Variants in AREL1 observed in about 807,000 individuals in gnomAD.
AREL1 encodes apoptosis resistant E3 ubiquitin protein ligase 1, also known as apoptosis-resistant E3 ubiquitin protein ligase 1.
AREL1 carries 62 observed loss-of-function variants against 99.0 expected under a neutral mutation model. That is an observed-to-expected ratio of 0.63 (90% CI 0.51 to 0.77). AREL1 has a LOEUF of 0.77. AREL1 is among the 30% of genes least tolerant of loss of function. AREL1 has a pLI of 0.00. For synonymous variants in AREL1, 380 were observed against 376.5 expected, an observed-to-expected ratio of 1.01 and a Z score of -0.11; for missense variants, 879 against 1,027.6, an observed-to-expected ratio of 0.86 and a Z score of 1.98.
Position 74,667,476 on chromosome 14 carries a change from T to C in AREL1, c.2033A>G (p.His678Arg), listed in dbSNP as rs538186826. ...AGACAGGATCCCACCTTTTAGGAAATGTTCCACCTCCTCTTTCACTTGACT... is the reference window on the plus strand; with the variant it reads ...AGACAGGATCCCACCTTTTAGGAAACGTTCCACCTCCTCTTTCACTTGACT... ...LASQVKEEVE[H>R]FLKGLNELVP... The change falls in exon 16 of 20, where the codon CAT (histidine) becomes CGT (arginine). Residue 678 changes from histidine (H) to arginine (R), a missense_variant. By Grantham distance (29) the His-to-Arg change is conservative. Coordinates refer to ENST00000356357, the MANE Select transcript of AREL1 (RefSeq NM_001039479.2). 7.4e-6 allele frequency: 12 copies of C among 1,613,522 alleles called. No homozygotes were observed. The highest frequency in any genetic ancestry group is 9.3e-6 in the Non-Finnish European group (11 of 1,179,560).
At position 74,673,230 on chromosome 14, in the gene AREL1, A is replaced by T; in HGVS notation, c.1159-12T>A. 6.2e-7 allele frequency: 1 copy of T among 1,613,162 alleles called. No individual in the cohort carries two copies. Among genetic ancestry groups the T allele is most frequent in the Non-Finnish European group, 8.5e-7 (1 of 1,179,946 alleles). ...CCAAGGTATGAAAACTGGTAAAGAA[A>T]AACAAAGAAATTAATCTATAAAACC... On this transcript the variant is annotated splice_polypyrimidine_tract_variant and intron_variant, in intron 9 of 19. Transcript: ENST00000356357.
chr14:74,681,222 G>A (rs2139908965), intron 5 of AREL1, among the ~76,000 whole-genome samples: 1 of 151,982 alleles, frequency 6.6e-6, no homozygotes. Context: ...CGTTTGGAGA[G>A]AAAAAAACCA....
chr14:74,673,720 A>T (rs2089408785), intron 9 of AREL1, among the ~76,000 whole-genome samples: 1 of 152,248 alleles, frequency 6.6e-6, no homozygotes, highest in Admixed American at 6.5e-5. Flanking sequence ...TAGCTTCAGC[A>T]CACTGGGAGA....
intron 4 of AREL1, 84 bp from the exon 5 acceptor site, chr14:74,683,617 TAGCTGGCAGAG>T: frequency 7.8e-7 from 1 of 1,277,930 alleles, no homozygotes; most frequent in Admixed American, 1.8e-5. Context: ...AGAGAGGAAG[TAGCTGGCAGAG>T]ACCACACCAG....
At chr14:74,704,720 C>T (rs955827768) in intron 1 of AREL1, among the ~76,000 whole-genome samples, 1 of 152,080 alleles carries the variant, frequency 6.6e-6, no homozygotes, top group African/African-American at 2.4e-5. Context: ...ATTTTCTTAA[C>T]AGAAAATACA....
intron 2 of AREL1, among the ~76,000 whole-genome samples, chr14:74,689,364 C>T (rs2089819631): frequency 6.6e-6 from 1 of 152,028 alleles, no homozygotes; most frequent in South Asian, 2.1e-4. Context: ...TACACTTTTA[C>T]ATACAGCTCT....
chr14:74,673,910 G>A lies in AREL1; in HGVS notation c.1158+124C>T, dbSNP rs147958378. On this transcript the variant is annotated intron_variant, in intron 9 of 19. Coordinates refer to ENST00000356357, the MANE Select transcript of AREL1 (RefSeq NM_001039479.2). ...AGATAATGATGCTTTATTTGGCAAC[G>A]AATCCTGTGTACACTGTGAGATCTT... 167 of 720,544 alleles carry A rather than the reference G, an allele frequency of 2.3e-4. 1 individual carries two copies. The African/African-American group carries it at 2.5e-3, about 11-fold the overall frequency. The allele number at this position is 720,544 out of a possible 1,614,324, so 44.6% of individuals were successfully genotyped here. A position where few individuals can be genotyped will look rare whatever the true frequency, so the allele number is the denominator to read the frequency against.
In AREL1 at chr14:74,688,929, C is replaced by G. The variant is rs929674340; in HGVS notation, c.-46+3112G>C. 2.0e-5 allele frequency among the ~76,000 whole-genome samples: 3 copies of G among 151,882 alleles called. No homozygotes were observed. The East Asian group carries it at 5.8e-4, about 29-fold the overall frequency. On this transcript the variant is annotated intron_variant, in intron 2 of 19. Transcript: ENST00000356357. ...TTGGCTCTCTGCAACCTCCACCTCCCAGGTTCAAGCAATTCTCCTGCCTCA... is the reference window on the plus strand; with the variant it reads ...TTGGCTCTCTGCAACCTCCACCTCCGAGGTTCAAGCAATTCTCCTGCCTCA...
chr14:74,695,706 T>C (rs2089969711), intron 1 of AREL1, among the ~76,000 whole-genome samples: 2 of 152,200 alleles, frequency 1.3e-5, no homozygotes, highest in South Asian at 4.1e-4. Context: ...TATTTGTTTA[T>C]ATAGCAGTCT....
rs1396618216 is a variant in AREL1, at chr14:74,676,769, G to A, written c.482-17C>T. The A allele has an allele frequency of 1.3e-6, 2 of 1,530,104 alleles. No homozygotes were observed. Among genetic ancestry groups the A allele is most frequent in the Non-Finnish European group, 1.8e-6 (2 of 1,141,682 alleles). 94.8% of individuals were successfully genotyped at this position (1,530,104 alleles called of 1,614,324 possible). On this transcript the variant is annotated splice_polypyrimidine_tract_variant and intron_variant, in intron 5 of 19. Transcript: ENST00000356357. ...CCACCATTCCTGGAACAAAGACAATGGAATCTAACATTTATTTATTTTATT... is the reference window on the plus strand; with the variant it reads ...CCACCATTCCTGGAACAAAGACAATAGAATCTAACATTTATTTATTTTATT...
At chr14:74,693,381 A>C in intron 1 of AREL1, among the ~76,000 whole-genome samples, 1 of 152,208 alleles carries the variant, frequency 6.6e-6, no homozygotes, top group East Asian at 1.9e-4. Flanking sequence ...CACTAAATAA[A>C]GTCCAGTAAA....
rs1010146153 is a variant in AREL1, at chr14:74,661,695, T to C, written c.*2025A>G. On this transcript the variant is annotated 3_prime_UTR_variant, in exon 20 of 20. Coordinates refer to ENST00000356357, the MANE Select transcript of AREL1 (RefSeq NM_001039479.2). ...TCAGACAGAGAATAGAAAACCACAA[T>C]AGTGCCAAAGGGTTTTGTTTAACAA... 2.1e-4 allele frequency: 34 copies of C among 163,150 alleles called. No individual in the cohort carries two copies. Among genetic ancestry groups the C allele is most frequent in the African/African-American group, 8.2e-4 (34 of 41,376 alleles). The allele number at this position is 163,150 out of a possible 1,614,324, so 10.1% of individuals were successfully genotyped here. A position where few individuals can be genotyped will look rare whatever the true frequency, so the allele number is the denominator to read the frequency against.
chr14:74,685,147 G>C (rs1321019777), intron 3 of AREL1, among the ~76,000 whole-genome samples: 1 of 152,202 alleles, frequency 6.6e-6, no homozygotes, highest in African/African-American at 2.4e-5. Flanking sequence ...GCAGTCAAAA[G>C]GATGTGCCTT....
chr14:74,695,831 C>T (rs1263126149), intron 1 of AREL1, among the ~76,000 whole-genome samples: 3 of 152,162 alleles, frequency 2.0e-5, no homozygotes, highest in Non-Finnish European at 4.4e-5. Flanking sequence ...TCACAAGATC[C>T]CCAGGTGAGT....
intron 1 of AREL1, among the ~76,000 whole-genome samples, chr14:74,694,945 C>T (rs193290682): frequency 1.4e-5 from 2 of 139,924 alleles, no homozygotes; most frequent in African/African-American, 5.4e-5. Context: ...GCCAAGATTG[C>T]GCCACTGCAC....
At position 74,662,107 on chromosome 14, in the gene AREL1, G is replaced by C. The variant is rs562815954; in HGVS notation, c.*1613C>G. 1 of 153,520 alleles carries C rather than the reference G, an allele frequency of 6.5e-6. No homozygotes were observed. Among genetic ancestry groups the C allele is most frequent in the South Asian group, 2.1e-4 (1 of 4,838 alleles). The allele number at this position is 153,520 out of a possible 1,614,324, so 9.5% of individuals were successfully genotyped here. A position where few individuals can be genotyped will look rare whatever the true frequency, so the allele number is the denominator to read the frequency against. On this transcript the variant is annotated 3_prime_UTR_variant, in exon 20 of 20. Coordinates refer to ENST00000356357, the MANE Select transcript of AREL1 (RefSeq NM_001039479.2). ...GGCATGGAGGATCCTGGGGTATAGA[G>C]ACCCTGATGCTGGATCCCGGACCCC...
At chr14:74,707,116 C>T (rs746622055) in intron 1 of AREL1, among the ~76,000 whole-genome samples, 1 of 152,150 alleles carries the variant, frequency 6.6e-6, no homozygotes, top group Non-Finnish European at 1.5e-5. Flanking sequence ...GCCTATAATC[C>T]CAGCACTTTG....
rs1218947030 is a variant in AREL1, at chr14:74,692,143, A to G, written c.-148T>C. ...CACCTTGTCTTCCAACTTCCACATG[A>G]AAGAAAAACGCCACAAGGTCAACAG... On this transcript the variant is annotated 5_prime_UTR_variant, in exon 2 of 20. Coordinates refer to ENST00000356357, the MANE Select transcript of AREL1 (RefSeq NM_001039479.2). 2.2e-6 allele frequency: 1 copy of G among 444,958 alleles called. No individual in the cohort carries two copies. Among genetic ancestry groups the G allele is most frequent in the Non-Finnish European group, 4.5e-6 (1 of 224,346 alleles). 27.6% of individuals were successfully genotyped at this position (444,958 alleles called of 1,614,324 possible).
chr14:74,677,005 T>A (rs186778475), intron 5 of AREL1, among the ~76,000 whole-genome samples: 1 of 151,926 alleles, frequency 6.6e-6, no homozygotes, highest in African/African-American at 2.4e-5. Context: ...TTCACTGTGT[T>A]AGCCAGGATA....
Sources: gnomAD v4.1 joint callset for allele counts (sites outside exome capture counted in the v4.1 genomes callset) on GRCh38, gnomAD v4.1.1 for gene constraint, MANE v1.5 for transcripts, NCBI Gene and HGNC (gene_info 2026-07-23, HGNC 2026-07-21) for gene names.